PRRC1: variants seen among roughly 807,000 people sequenced by gnomAD.
PRRC1 encodes the protein proline rich coiled-coil 1.
PRRC1 carries 39 observed loss-of-function variants against 40.7 expected under a neutral mutation model. The observed-to-expected ratio is 0.96, with a 90% CI of 0.74 to 1.25. PRRC1 has a LOEUF of 1.25. PRRC1 is among the 50% of genes most tolerant of loss of function. The pLI is 0.00. For synonymous variants in PRRC1, 175 were observed against 193.3 expected, an observed-to-expected ratio of 0.91 and a Z score of 0.79; for missense variants, 573 against 548.3, an observed-to-expected ratio of 1.05 and a Z score of -0.45.
chr5:127,524,836 T>A lies in PRRC1; in HGVS notation c.409T>A (p.Ser137Thr), dbSNP rs753358432. 6.2e-7 allele frequency: 1 copy of A among 1,614,198 alleles called. No individual in the cohort carries two copies. Among genetic ancestry groups the A allele is most frequent in the Non-Finnish European group, 8.5e-7 (1 of 1,180,034 alleles). Residue 137 changes from serine (S) to threonine (T), a missense_variant, in exon 3 of 9, where the codon TCA becomes ACA. By Grantham distance (58) the Ser-to-Thr change is moderately conservative. Coordinates refer to ENST00000296666, the MANE Select transcript of PRRC1 (RefSeq NM_130809.5). ...TCCTATATCAGGATTTTCTGTTGGT[T>A]CAACTTATGACATTACAAGGGGACA... Reference protein sequence around the residue: ...GPPISGFSVGSTYDITRGHAG... With the variant: ...GPPISGFSVGTTYDITRGHAG...
rs1768403111 is a variant in PRRC1, at chr5:127,551,994, T to C, written c.*78T>C. On this transcript the variant is annotated 3_prime_UTR_variant, in exon 9 of 9. Coordinates refer to ENST00000296666, the MANE Select transcript of PRRC1 (RefSeq NM_130809.5). ...AAAGAAGTGGTTGTACCTTCCTAAA[T>C]CGAATAGTCTAAATGAATCCAGTAG... The C allele has an allele frequency of 1.3e-6, 2 of 1,583,734 alleles. No individual in the cohort carries two copies. Among genetic ancestry groups the C allele is most frequent in the South Asian group, 2.3e-5 (2 of 87,050 alleles).
chr5:127,519,321 C>T (rs1767398058), intron 1 of PRRC1, among the ~76,000 whole-genome samples: 2 of 152,222 alleles, frequency 1.3e-5, no homozygotes, highest in Non-Finnish European at 2.9e-5. Flanking sequence ...GATCCCTGTT[C>T]TCTGCTTAGT....
chr5:127,547,768 A>T (rs113175552), intron 7 of PRRC1, 51 bp from the exon 8 acceptor site: 2 of 1,238,318 alleles, frequency 1.6e-6, no homozygotes, highest in East Asian at 2.3e-5. Context: ...TCTATTCATG[A>T]TAAGTTTTAT....
rs184779018 is a variant in PRRC1, at chr5:127,522,645, A to G, written c.-20-815A>G. On this transcript the variant is annotated intron_variant, in intron 1 of 8. Coordinates refer to ENST00000296666, the MANE Select transcript of PRRC1 (RefSeq NM_130809.5). ...GGTCTCAAGGGATCCTCCCACCTCTACCTCCCAAAGTGTAGGTTTACAGCG... is the reference window on the plus strand; with the variant it reads ...GGTCTCAAGGGATCCTCCCACCTCTGCCTCCCAAAGTGTAGGTTTACAGCG... Among the ~76,000 whole-genome samples, 858 of 147,396 alleles carry G rather than the reference A, an allele frequency of 5.8e-3. 11 individuals carry two copies. The highest frequency in any genetic ancestry group is 7.5e-3 in the Non-Finnish European group (504 of 67,114).
At chr5:127,542,668 T>G (rs1187861503) in intron 7 of PRRC1, among the ~76,000 whole-genome samples, 1 of 151,568 alleles carries the variant, frequency 6.6e-6, no homozygotes, top group African/African-American at 2.4e-5. Flanking sequence ...TGGTTTAAAG[T>G]CTGTTTTATC....
At chr5:127,546,300 T>C (rs1768217924) in intron 7 of PRRC1, among the ~76,000 whole-genome samples, 1 of 152,226 alleles carries the variant, frequency 6.6e-6, no homozygotes, top group African/African-American at 2.4e-5. Context: ...TAAATGTAGT[T>C]GAACTGTCTT....
chr5:127,528,250 C>T (rs183133960), intron 4 of PRRC1, among the ~76,000 whole-genome samples: 1,596 of 152,190 alleles, frequency 0.01, 20 homozygotes, highest in South Asian at 0.021. Context: ...CCCTTTTTGA[C>T]AGAAAAGTTC....
At chr5:127,541,257 G>C (rs1295699816) in intron 7 of PRRC1, among the ~76,000 whole-genome samples, 2 of 152,188 alleles carry the variant, frequency 1.3e-5, no homozygotes, top group African/African-American at 4.8e-5. Flanking sequence ...TCTTTGATGT[G>C]CTGCTGGATT....
chr5:127,534,593 C>T (rs1203141605), intron 6 of PRRC1, among the ~76,000 whole-genome samples: 1 of 151,976 alleles, frequency 6.6e-6, no homozygotes, highest in Non-Finnish European at 1.5e-5. Context: ...TAGTTTTTCC[C>T]TCCTTCATGT....
chr5:127,552,676 A>AAT lies in PRRC1; in HGVS notation c.*761_*762dup. ...GTATATTTTAAATCAGAAGTATTCA[A>AAT]ATTATTTTTGTATAATACTGTTCAG... On this transcript the variant is annotated 3_prime_UTR_variant, in exon 9 of 9. Transcript: ENST00000296666. 2 of 982,312 alleles carry AAT rather than the reference A, an allele frequency of 2.0e-6. No individual in the cohort carries two copies. Among genetic ancestry groups the AAT allele is most frequent in the Non-Finnish European group, 2.4e-6 (2 of 826,722 alleles). The allele number at this position is 982,312 out of a possible 1,614,324, so 60.8% of individuals were successfully genotyped here.
Position 127,550,795 on chromosome 5 carries a change from A to G in PRRC1, c.1129-912A>G, listed in dbSNP as rs528338171. On this transcript the variant is annotated intron_variant, in intron 8 of 8. Coordinates refer to ENST00000296666, the MANE Select transcript of PRRC1 (RefSeq NM_130809.5). Reference sequence around the variant, plus strand: ...GAAATACTGATACTGTAGTATACACATTGGAAGAGAGTACTTAGAGCAGGG... The same window carrying G: ...GAAATACTGATACTGTAGTATACACGTTGGAAGAGAGTACTTAGAGCAGGG... 2.6e-5 allele frequency: 4 copies of G among 152,354 alleles called. No individual in the cohort carries two copies. In the East Asian group the frequency reaches 5.8e-4, roughly 22 times the overall value. 9.4% of individuals were successfully genotyped at this position (152,354 alleles called of 1,614,324 possible). A position where few individuals can be genotyped will look rare whatever the true frequency, so the allele number is the denominator to read the frequency against.
At chr5:127,544,392 C>G (rs1404809754) in intron 7 of PRRC1, among the ~76,000 whole-genome samples, 1 of 152,324 alleles carries the variant, frequency 6.6e-6, no homozygotes, top group Admixed American at 6.5e-5. Flanking sequence ...GCTGGGAGAA[C>G]CACTGCTCTC....
intron 1 of PRRC1, 122 bp from the exon 2 acceptor site, chr5:127,523,338 A>T: frequency 4.1e-6 from 2 of 489,542 alleles, no homozygotes; most frequent in South Asian, 4.4e-5. Context: ...AAGTTGCATT[A>T]TAAACAGTAA....
At position 127,543,088 on chromosome 5, in the gene PRRC1, C is replaced by A. The variant is rs1236440792; in HGVS notation, c.1025+3945C>A. ...GCCTGGTGGTGACAAAATCTCTCAG[C>A]ATTTGCTTGTCTGTAAAGTATTTTA... On this transcript the variant is annotated intron_variant, in intron 7 of 8. Transcript: ENST00000296666. Among the ~76,000 whole-genome samples, 3 of 151,452 alleles carry A rather than the reference C, an allele frequency of 2.0e-5. No homozygotes were observed. The East Asian group carries it at 5.9e-4, about 30-fold the overall frequency.
intron 2 of PRRC1, chr5:127,524,087 T>A (rs1767536368): frequency 6.2e-6 from 1 of 160,154 alleles, no homozygotes; most frequent in South Asian, 1.8e-4. Context: ...TTGGCCAGGC[T>A]GGTCTCAAAC....
chr5:127,546,911 GTTT>G (rs1392393042), intron 7 of PRRC1, among the ~76,000 whole-genome samples: 1 of 151,992 alleles, frequency 6.6e-6, no homozygotes, highest in East Asian at 1.9e-4. Context: ...TAATTTTAAA[GTTT>G]TAGGATATGA....
rs547482807 is a variant in PRRC1 at position 127,532,148 on chromosome 5, C to T, written c.758-1475C>T. On this transcript the variant is annotated intron_variant, in intron 5 of 8. Transcript: ENST00000296666. ...TTTTTGAGGTGGAGTCTCACTCTACCGCCAGGCTGGAGTGCAGTGGTGCAA... is the reference window on the plus strand; with the variant it reads ...TTTTTGAGGTGGAGTCTCACTCTACTGCCAGGCTGGAGTGCAGTGGTGCAA... Among the ~76,000 whole-genome samples the T allele has an allele frequency of 1.8e-3, 272 of 150,254 alleles. 1 individual carries two copies. Among genetic ancestry groups the T allele is most frequent in the African/African-American group, 6.5e-3 (267 of 40,952 alleles).
At chr5:127,530,936 T>A (rs1320749622) in intron 5 of PRRC1, among the ~76,000 whole-genome samples, 1 of 152,208 alleles carries the variant, frequency 6.6e-6, no homozygotes, top group Non-Finnish European at 1.5e-5. Context: ...ATAGATACTG[T>A]CTGCTATTTA....
intron 6 of PRRC1, among the ~76,000 whole-genome samples, chr5:127,537,340 CCTT>C (rs1417521015): frequency 6.6e-6 from 1 of 151,768 alleles, no homozygotes; most frequent in Non-Finnish European, 1.5e-5. Flanking sequence ...AATAAAATCT[CCTT>C]CTCAAAACAT....
Sources: gnomAD v4.1 joint callset for allele counts (sites outside exome capture counted in the v4.1 genomes callset) on GRCh38, gnomAD v4.1.1 for gene constraint, MANE v1.5 for transcripts, NCBI Gene and HGNC (gene_info 2026-07-23, HGNC 2026-07-21) for gene names.